CYB5R4: variants seen among roughly 807,000 people sequenced by gnomAD.
CYB5R4 encodes N-terminal cytochrome b5 and cytochrome b5 oxidoreductase domain-containing protein.
Under a neutral mutation model 70.2 loss-of-function variants are expected in CYB5R4, and 55 were observed. That is an observed-to-expected ratio of 0.78 (90% CI 0.63 to 0.98). The LOEUF (loss-of-function observed/expected upper bound fraction) is 0.98. CYB5R4 is among the 50% of genes least tolerant of loss of function. The pLI is 0.00. For missense variants in CYB5R4, 562 were observed against 612.6 expected, an observed-to-expected ratio of 0.92 and a Z score of 0.87; for synonymous variants, 197 against 199.5, an observed-to-expected ratio of 0.99 and a Z score of 0.11.
At position 83,965,051 on chromosome 6, in the gene CYB5R4, T is replaced by C. The variant is rs1476468523; in HGVS notation, c.*5173T>C. On this transcript the variant is annotated 3_prime_UTR_variant, in exon 16 of 16. Transcript: ENST00000369681. The stretch of plus-strand genomic sequence containing the variant: ...CCTGGATGCCCAGGCAGAAGTTTGC[T>C]GCAGGGGCGGGGCTCTCATGGAGAA... 6.6e-6 allele frequency: 1 copy of C among 152,286 alleles called. No homozygotes were observed. The highest frequency in any genetic ancestry group is 1.5e-5 in the Non-Finnish European group (1 of 68,088). 9.4% of individuals were successfully genotyped at this position (152,286 alleles called of 1,614,324 possible).
intron 3 of CYB5R4, among the ~76,000 whole-genome samples, chr6:83,898,886 A>G (rs1378601257): frequency 3.3e-5 from 5 of 152,132 alleles, no homozygotes; most frequent in Non-Finnish European, 7.4e-5. Context: ...GGGTATTCTA[A>G]ATATACAATC....
chr6:83,929,212 T>C (rs1033103462), intron 10 of CYB5R4, among the ~76,000 whole-genome samples: 1 of 152,200 alleles, frequency 6.6e-6, no homozygotes, highest in Admixed American at 6.5e-5. Context: ...CAGCAAAGTA[T>C]TATAATTAAC....
At chr6:83,914,203 A>T (rs960041366) in intron 4 of CYB5R4, among the ~76,000 whole-genome samples, 6 of 152,202 alleles carry the variant, frequency 3.9e-5, no homozygotes, top group African/African-American at 1.4e-4. Flanking sequence ...AGAGACAAAC[A>T]TCTGGAGAAA....
chr6:83,882,725 C>T (rs1462604528), intron 2 of CYB5R4, among the ~76,000 whole-genome samples: 1 of 152,166 alleles, frequency 6.6e-6, no homozygotes, highest in Non-Finnish European at 1.5e-5. Flanking sequence ...TGGTGGCTCA[C>T]GCCTATAATC....
chr6:83,887,814 T>G (rs2099460492), intron 2 of CYB5R4, among the ~76,000 whole-genome samples: 2 of 151,964 alleles, frequency 1.3e-5, no homozygotes, highest in African/African-American at 4.8e-5. Flanking sequence ...GATGGATGGA[T>G]GGATGGGTAG....
rs547323595 is a variant in CYB5R4, at chr6:83,902,533, ATTG to A, written c.331-6473_331-6471del. Among the ~76,000 whole-genome samples the A allele has an allele frequency of 2.4e-3, 365 of 152,090 alleles. 3 individuals are homozygous for A. Among genetic ancestry groups the A allele is most frequent in the Middle Eastern group, 0.014 (4 of 294 alleles). On this transcript the variant is annotated intron_variant, in intron 3 of 15. Coordinates refer to ENST00000369681, the MANE Select transcript of CYB5R4 (RefSeq NM_016230.4). Reference sequence around the variant, plus strand: ...TTTTTGGTTCCATATGAATTTTAGGATTGTTTTTTCTATTTCTGTGAAAAATAA... The same window carrying A: ...TTTTTGGTTCCATATGAATTTTAGGATTTTTTCTATTTCTGTGAAAAATAA...
At chr6:83,957,204 A>G (rs1176347029) in intron 15 of CYB5R4, among the ~76,000 whole-genome samples, 1 of 152,120 alleles carries the variant, frequency 6.6e-6, no homozygotes, top group Non-Finnish European at 1.5e-5. Context: ...GAAGACTAAC[A>G]TAGTTTGAAT....
intron 3 of CYB5R4, among the ~76,000 whole-genome samples, chr6:83,903,675 CTGT>C (rs2099463346): frequency 6.6e-6 from 1 of 151,774 alleles, no homozygotes; most frequent in Non-Finnish European, 1.5e-5. Flanking sequence ...GTTGCTGTTG[CTGT>C]TGTTGTTCTT....
chr6:83,886,115 C>G (rs2129132568), intron 2 of CYB5R4, among the ~76,000 whole-genome samples: 1 of 152,262 alleles, frequency 6.6e-6, no homozygotes, highest in African/African-American at 2.4e-5. Context: ...AGCCTTCTTG[C>G]TAGTGGGGAC....
chr6:83,936,165 T>C, intron 11 of CYB5R4, 59 bp from the exon 12 acceptor site: 2 of 1,311,724 alleles, frequency 1.5e-6, no homozygotes, highest in Non-Finnish European at 2.1e-6. Context: ...ATGTTTCATT[T>C]TCATTGAGAT....
chr6:83,899,646 T>C (rs1312786088), intron 3 of CYB5R4, among the ~76,000 whole-genome samples: 1 of 152,212 alleles, frequency 6.6e-6, no homozygotes, highest in African/African-American at 2.4e-5. Flanking sequence ...TTTCAGAGCC[T>C]GTTATTGGAC....
At chr6:83,959,789 C>T (rs1325826538) in intron 15 of CYB5R4, 35 bp from the exon 16 acceptor site, 1 of 1,563,646 alleles carries the variant, frequency 6.4e-7, no homozygotes, top group Non-Finnish European at 8.7e-7. Flanking sequence ...AAAGCATTTT[C>T]CCTAAGAAAC....
At chr6:83,950,579 G>T (rs545451045) in intron 14 of CYB5R4, among the ~76,000 whole-genome samples, 2 of 152,082 alleles carry the variant, frequency 1.3e-5, no homozygotes, top group South Asian at 4.2e-4. Flanking sequence ...AACATTTTGT[G>T]GTATATAAAT....
chr6:83,874,963 C>G (rs1002736600), intron 2 of CYB5R4, among the ~76,000 whole-genome samples: 1 of 151,994 alleles, frequency 6.6e-6, no homozygotes, highest in Non-Finnish European at 1.5e-5. Context: ...GCTGGGATAA[C>G]AGGTGTGCAC....
chr6:83,966,004 T>G lies in CYB5R4; in HGVS notation c.*6126T>G, dbSNP rs2099473991. On this transcript the variant is annotated 3_prime_UTR_variant, in exon 16 of 16. Transcript: ENST00000369681. Reference sequence around the variant, plus strand: ...GGAACTATAAGTCCAATTAAACCTCTTTTTCTTGGCTTAATTTCTTGGGTA... The same window carrying G: ...GGAACTATAAGTCCAATTAAACCTCGTTTTCTTGGCTTAATTTCTTGGGTA... The G allele has an allele frequency of 6.6e-6, 1 of 152,256 alleles. No homozygotes were observed. The highest frequency in any genetic ancestry group is 6.5e-5 in the Admixed American group (1 of 15,272). 9.4% of individuals were successfully genotyped at this position (152,256 alleles called of 1,614,324 possible). A position where few individuals can be genotyped will look rare whatever the true frequency, so the allele number is the denominator to read the frequency against.
chr6:83,940,414 G>A (rs2099469561), intron 13 of CYB5R4, 101 bp from the exon 14 acceptor site: 1 of 1,159,482 alleles, frequency 8.6e-7, no homozygotes, highest in Admixed American at 3.1e-5. Flanking sequence ...GTTACCTACT[G>A]GGCACTAAAA....
At position 83,859,853 on chromosome 6, in the gene CYB5R4, G is replaced by A. The variant is rs1417600873; in HGVS notation, c.71G>A (p.Ser24Asn). The change falls in exon 1 of 16, where the codon AGC becomes AAC. Residue 24 changes from serine to asparagine, a missense_variant. Transcript: ENST00000369681. Reference sequence around the variant, plus strand: ...CAGCGTGTCGCCTCCGGGGGGCGTAGCAAGGTAAGCGGGTGGCTCCGTGAG... The same window carrying A: ...CAGCGTGTCGCCTCCGGGGGGCGTAACAAGGTAAGCGGGTGGCTCCGTGAG... ...SQQRVASGGRSKVPLKQGRSL... is the reference protein window; with the variant it reads ...SQQRVASGGRNKVPLKQGRSL... 2.5e-6 allele frequency: 4 copies of A among 1,611,810 alleles called. No individual in the cohort carries two copies. The highest frequency in any genetic ancestry group is 2.5e-6 in the Non-Finnish European group (3 of 1,179,336).
chr6:83,925,308 G>A (rs1307957370), intron 10 of CYB5R4, among the ~76,000 whole-genome samples: 9 of 152,028 alleles, frequency 5.9e-5, no homozygotes, highest in Admixed American at 5.2e-4. Context: ...CCAAGAGGGT[G>A]GTCCTAAACC....
intron 3 of CYB5R4, among the ~76,000 whole-genome samples, chr6:83,896,479 G>T (rs979859107): frequency 2.0e-5 from 3 of 152,204 alleles, no homozygotes; most frequent in Non-Finnish European, 1.5e-5. Flanking sequence ...ATGTCAATGA[G>T]ATCAAATTTT....
Sources: gnomAD v4.1 joint callset for allele counts (sites outside exome capture counted in the v4.1 genomes callset) on GRCh38, gnomAD v4.1.1 for gene constraint, MANE v1.5 for transcripts, NCBI Gene and HGNC (gene_info 2026-07-23, HGNC 2026-07-21) for gene names.